Variants in TRAP1 observed in about 807,000 individuals in gnomAD.
TRAP1 encodes heat shock protein 75 kDa, mitochondrial.
Under a neutral mutation model 89.1 loss-of-function variants are expected in TRAP1, and 102 were observed. The observed-to-expected ratio is 1.15, with a 90% CI of 0.98 to 1.35. The LOEUF is 1.35. TRAP1 is among the 40% of genes most tolerant of loss of function. The probability of loss-of-function intolerance (pLI) is 0.00; values close to 1 mark genes in which losing one functional copy is unlikely to be tolerated. For missense variants in TRAP1, 1,256 were observed against 945.3 expected (o/e 1.33, Z -4.31); for synonymous variants, 508 against 388.0 (o/e 1.31, Z -3.64).
chr16:3,676,217 G>A (rs2050991755), intron 6 of TRAP1, 72 bp from the exon 7 acceptor site: 1 of 1,335,826 alleles, frequency 7.5e-7, no homozygotes, highest in African/African-American at 1.5e-5. Flanking sequence ...GACTCCAGCG[G>A]TTCCCGAGGG....
chr16:3,699,629 C>CAAA (rs35602361), intron 1 of TRAP1, among the ~76,000 whole-genome samples: 1,020 of 71,990 alleles, frequency 0.014, 13 homozygotes, highest in Non-Finnish European at 0.021. Context: ...AACTCCGTCT[C>CAAA]AAAAAAAAAA....
chr16:3,711,285 AC>A (rs2051528071), intron 1 of TRAP1, among the ~76,000 whole-genome samples: 1 of 152,104 alleles, frequency 6.6e-6, no homozygotes, highest in Admixed American at 6.6e-5. Context: ...TACCCAATCT[AC>A]AGGAATTCAC....
chr16:3,658,930 T>TTTGGGATTA (rs2151231487), intron 16 of TRAP1, 65 bp from the exon 17 acceptor site: 1 of 1,544,498 alleles, frequency 6.5e-7, no homozygotes, highest in East Asian at 2.3e-5. Context: ...CCCTTCATGT[T>TTTGGGATTA]TTGGGATTAT....
intron 1 of TRAP1, among the ~76,000 whole-genome samples, chr16:3,695,229 T>C (rs2051270167): frequency 6.6e-6 from 1 of 152,092 alleles, no homozygotes; most frequent in Non-Finnish European, 1.5e-5. Flanking sequence ...GGAGACACAA[T>C]TCAACCCCCA....
intron 1 of TRAP1, among the ~76,000 whole-genome samples, chr16:3,714,468 G>A (rs748785787): frequency 5.3e-5 from 8 of 152,108 alleles, no homozygotes; most frequent in Admixed American, 1.3e-4. Flanking sequence ...AGACCACCCT[G>A]GCCAGCATAG....
rs144776256 is a variant in TRAP1 at position 3,690,926 on chromosome 16, C to G, written c.148G>C (p.Ala50Pro). The stretch of plus-strand genomic sequence containing the variant: ...AGTCGTCCTGCCTGCAAGCTCCAGG[C>G]TGGGTTTCGCCTGGGGCCCAACTGG... ...TAQLGPRRNP[A>P]WSLQAGRLFS... Residue 50 changes from alanine to proline, a missense_variant, in exon 2 of 18, where the codon GCC (alanine) becomes CCC (proline). Transcript: ENST00000246957. 3 of 1,590,830 alleles carry G rather than the reference C, an allele frequency of 1.9e-6. No homozygotes were observed. In the African/African-American group the frequency reaches 4.1e-5, roughly 22 times the overall value.
intron 16 of TRAP1, 93 bp downstream of exon 16, chr16:3,661,894 T>A: frequency 2.7e-6 from 4 of 1,458,464 alleles, no homozygotes; most frequent in Non-Finnish European, 3.6e-6. Flanking sequence ...CCTCACGCAC[T>A]TTTCTTCTGT....
Position 3,662,086 on chromosome 16 carries a change from T to G in TRAP1, c.1841A>C (p.Glu614Ala). ...CAGGAAGTGGCGGGCAGCCCCCATC[T>G]CCAGCACGGTGACCATGGCAGGGTG... ...DTHPAMVTVL[E>A]MGAARHFLRM... Residue 614 changes from glutamate to alanine, a missense_variant, in exon 16 of 18, where the codon GAG becomes GCG. By Grantham distance (107) the Glu-to-Ala change is moderately radical. Transcript: ENST00000246957. 1 of 1,613,136 alleles carries G rather than the reference T, an allele frequency of 6.2e-7. No homozygotes were observed. Among genetic ancestry groups the G allele is most frequent in the South Asian group, 1.1e-5 (1 of 91,070 alleles).
chr16:3,706,344 T>C (rs934947388), intron 1 of TRAP1, among the ~76,000 whole-genome samples: 4 of 151,906 alleles, frequency 2.6e-5, no homozygotes, highest in Non-Finnish European at 4.4e-5. Flanking sequence ...TTACAGGCAC[T>C]GTCATGGTGC....
chr16:3,683,454 C>T (rs541184530), intron 4 of TRAP1, among the ~76,000 whole-genome samples: 1 of 150,280 alleles, frequency 6.7e-6, no homozygotes. Flanking sequence ...GGCGCGATCT[C>T]AGCTCACCAC....
At chr16:3,661,648 G>C (rs1331173061) in intron 16 of TRAP1, 4 of 262,860 alleles carry the variant, frequency 1.5e-5, no homozygotes, top group Non-Finnish European at 1.4e-5. Flanking sequence ...AGCAACGTGA[G>C]ACTTCAGCAA....
intron 1 of TRAP1, among the ~76,000 whole-genome samples, chr16:3,711,908 C>T (rs1027151122): frequency 6.6e-6 from 1 of 152,168 alleles, no homozygotes; most frequent in Non-Finnish European, 1.5e-5. Flanking sequence ...GCACCAAAAA[C>T]GCCATCCATG....
rs192515297 is a variant in TRAP1, at chr16:3,669,563, G to A, written c.1235+2159C>T. Among the ~76,000 whole-genome samples, 38 of 152,056 alleles carry A rather than the reference G, an allele frequency of 2.5e-4. No individual in the cohort carries two copies. In the East Asian group the frequency reaches 3.7e-3, roughly 15 times the overall value. On this transcript the variant is annotated intron_variant, in intron 11 of 17. Transcript: ENST00000246957. ...AAAGATTTCAGAACAGGCCAGGCGC[G>A]GTGGCTCACACCTGTAATCCCAGAA...
Position 3,663,458 on chromosome 16 carries a change from G to C in TRAP1, c.1674C>G (p.His558Gln). The C allele has an allele frequency of 1.2e-6, 2 of 1,614,180 alleles. No homozygotes were observed. The highest frequency in any genetic ancestry group is 1.1e-5 in the South Asian group (1 of 91,086). Residue 558 changes from histidine (H) to glutamine (Q), a missense_variant, in exon 14 of 18, where the codon CAC (histidine) becomes CAG (glutamine). His to Gln is a conservative substitution (Grantham distance 24). Coordinates refer to ENST00000246957, the MANE Select transcript of TRAP1 (RefSeq NM_016292.3). The part of the protein sequence containing the change: ...ISVETDIVVD[H>Q]YKEEKFEDRS... ...TGTCCTCAAACTTCTCCTCCTTGTA[G>C]TGATCCACGACTATGTCCGTCTCCA...
At chr16:3,708,740 C>T (rs915100523) in intron 1 of TRAP1, among the ~76,000 whole-genome samples, 3 of 150,516 alleles carry the variant, frequency 2.0e-5, no homozygotes, top group Admixed American at 6.6e-5. Flanking sequence ...TGCTTAACCT[C>T]GGGAGGCGGA....
intron 1 of TRAP1, among the ~76,000 whole-genome samples, chr16:3,705,096 G>A (rs564393771): frequency 7.2e-5 from 11 of 151,830 alleles, no homozygotes; most frequent in Admixed American, 1.3e-4. Context: ...ACGGAGTCTC[G>A]CTCTGTCGCC....
chr16:3,690,878 C>T lies in TRAP1; in HGVS notation c.196G>A (p.Asp66Asn), dbSNP rs371791148. Residue 66 changes from aspartate (D) to asparagine (N), a missense_variant, in exon 2 of 18, where the codon GAC becomes AAC. By Grantham distance (23) the Asp-to-Asn change is conservative. Coordinates refer to ENST00000246957, the MANE Select transcript of TRAP1 (RefSeq NM_016292.3). ...GRLFSTQTAEDKEEPLHSIIS... is the reference protein window; with the variant it reads ...GRLFSTQTAENKEEPLHSIIS... ...ATCGAGTGCAGGGGTTCCTCCTTGT[C>T]CTCGGCGGTCTGCGTGCTGAACAGT... 16 of 1,586,764 alleles carry T rather than the reference C, an allele frequency of 1.0e-5. No individual in the cohort carries two copies. The African/African-American group carries it at 2.2e-4, about 22-fold the overall frequency.
chr16:3,699,363 C>T (rs778627292), intron 1 of TRAP1, among the ~76,000 whole-genome samples: 1 of 152,142 alleles, frequency 6.6e-6, no homozygotes, highest in African/African-American at 2.4e-5. Flanking sequence ...ACTGGCCAGG[C>T]GCAGTGGCTC....
rs61753378 is a variant in TRAP1, at chr16:3,676,074, G to A, written c.776C>T (p.Ser259Phe). 0.059 allele frequency: 95,162 copies of A among 1,613,640 alleles called. 3,099 individuals carry two copies. Among genetic ancestry groups the A allele is most frequent in the Non-Finnish European group, 0.062 (73,133 of 1,179,716 alleles). The change falls in exon 7 of 18, where the codon TCC (serine) becomes TTC (phenylalanine). Residue 259 changes from serine (S) to phenylalanine (F), a missense_variant. Transcript: ENST00000246957. ...TGTKIIIHLKSDCKEFSSEAR... is the reference protein window; with the variant it reads ...TGTKIIIHLKFDCKEFSSEAR... The stretch of plus-strand genomic sequence containing the variant: ...CTCGCTGGAAAACTCCTTGCAGTCG[G>A]ATTTCAGGTGGATGATGATTTTTGT...
Sources: gnomAD v4.1 joint callset for allele counts (sites outside exome capture counted in the v4.1 genomes callset) on GRCh38, gnomAD v4.1.1 for gene constraint, MANE v1.5 for transcripts, NCBI Gene and HGNC (gene_info 2026-07-23, HGNC 2026-07-21) for gene names.